Variants in POM121 observed in about 807,000 individuals in gnomAD.
POM121 encodes nuclear envelope pore membrane protein POM 121.
In POM121, 32 loss-of-function variants were observed where a neutral mutation model predicts 81.3. The ratio of observed to expected loss-of-function variants is 0.39; its 90% CI spans 0.30 to 0.53. POM121 has a LOEUF of 0.53. POM121 is among the 20% of genes least tolerant of loss of function. The pLI is 0.66. For missense variants in POM121, 1,138 were observed against 1,614.6 expected, an observed-to-expected ratio of 0.70 and a Z score of 5.06; for synonymous variants, 514 against 694.2, an observed-to-expected ratio of 0.74 and a Z score of 4.08.
chr7:72,906,780 G>A (rs1444041222), intron 3 of POM121, among the ~76,000 whole-genome samples: 7 of 151,766 alleles, frequency 4.6e-5, no homozygotes, highest in Non-Finnish European at 1.0e-4. Flanking sequence ...GTGCCCCCAT[G>A]CCTGGCTAAT....
Position 72,948,149 on chromosome 7 carries a change from C to G in POM121, c.*1915C>G. On this transcript the variant is annotated 3_prime_UTR_variant, in exon 13 of 13. Transcript: ENST00000434423. ...GAGTGAGAATGAGTGTGGATGTGTA[C>G]AGTACACGCACTGGACGGCAGCGGG... is the stretch of plus-strand genomic sequence containing the variant. 7.0e-7 allele frequency: 1 copy of G among 1,425,044 alleles called. No homozygotes were observed. The highest frequency in any genetic ancestry group is 9.1e-7 in the Non-Finnish European group (1 of 1,095,058). The allele number at this position is 1,425,044 out of a possible 1,614,324, so 88.3% of individuals were successfully genotyped here.
At position 72,925,188 on chromosome 7, in the gene POM121, G is replaced by A. The variant is rs1299136347; in HGVS notation, c.67G>A (p.Gly23Ser). 1 of 1,500,302 alleles carries A rather than the reference G, an allele frequency of 6.7e-7. No homozygotes were observed. The highest frequency in any genetic ancestry group is 2.6e-5 in the East Asian group (1 of 38,802). The allele number at this position is 1,500,302 out of a possible 1,614,324, so 92.9% of individuals were successfully genotyped here. ...RRRPIASVRDGRGRGCGGPAR... is the reference protein window; with the variant it reads ...RRRPIASVRDSRGRGCGGPAR... ...GCGGCCCATAGCGAGTGTCAGGGAC[G>A]GCCGGGGCCGGGGCTGCGGCGGGCC... is the stretch of plus-strand genomic sequence containing the variant. Residue 23 changes from glycine (G) to serine (S), a missense_variant, in exon 1 of 13, where the codon GGC becomes AGC. Physicochemically the swap from Gly to Ser is moderately conservative, Grantham distance 56. This residue lies in a region of POM121 where 646 missense variants were observed against 633.5 expected (regional missense o/e 1.02). Coordinates refer to ENST00000434423, the MANE Select transcript of POM121 (RefSeq NM_001387691.1).
At chr7:72,943,624 A>G (rs2129580624) in intron 11 of POM121, 102 bp downstream of exon 11, 3 of 1,490,570 alleles carry the variant, frequency 2.0e-6, no homozygotes, top group South Asian at 2.7e-5. Context: ...GTGAAGAGAC[A>G]GGCACTGAAT....
intron 3 of POM121, among the ~76,000 whole-genome samples, chr7:72,908,793 C>G (rs1554493848): frequency 6.6e-6 from 1 of 152,194 alleles, no homozygotes; most frequent in East Asian, 1.9e-4. Context: ...TCTGTTCCAC[C>G]CAGCTCTCAG....
At chr7:72,909,908 C>A (rs1416500568) in intron 3 of POM121, among the ~76,000 whole-genome samples, 4 of 152,196 alleles carry the variant, frequency 2.6e-5, no homozygotes, top group African/African-American at 4.8e-5. Context: ...CGGCCTCCCA[C>A]AGTGTTGGGA....
intron 1 of POM121, among the ~76,000 whole-genome samples, chr7:72,886,429 C>T (rs1342955083): frequency 1.1e-4 from 17 of 152,264 alleles, no homozygotes; most frequent in East Asian, 9.6e-4. Flanking sequence ...CTGCCTCAGC[C>T]GCCCAAAGTG....
At chr7:72,926,993 T>C in intron 3 of POM121, 30 bp downstream of exon 3, 1 of 1,613,820 alleles carries the variant, frequency 6.2e-7, no homozygotes, top group Non-Finnish European at 8.5e-7. Context: ...ACTAAGCCGG[T>C]TTCGCGCTTG....
chr7:72,903,528 G>A (rs1284318509), intron 3 of POM121, among the ~76,000 whole-genome samples: 1 of 152,126 alleles, frequency 6.6e-6, no homozygotes, highest in Admixed American at 6.5e-5. Context: ...CTTTTGCTGT[G>A]GGCTGTAGCT....
intron 4 of POM121, among the ~76,000 whole-genome samples, chr7:72,919,521 ACC>A (rs1170948878): frequency 6.6e-6 from 1 of 151,724 alleles, no homozygotes; most frequent in African/African-American, 2.4e-5. Context: ...TTGCTCTGTC[ACC>A]CAGGCTGGAG....
intron 3 of POM121, among the ~76,000 whole-genome samples, chr7:72,913,152 G>A (rs1793968085): frequency 6.6e-6 from 1 of 152,184 alleles, no homozygotes; most frequent in Non-Finnish European, 1.5e-5. Context: ...TTCAATCCAA[G>A]GTATAAAATG....
At chr7:72,920,388 A>G (rs1186993815), upstream of POM121, among the ~76,000 whole-genome samples, 12 of 132,398 alleles carry the variant, frequency 9.1e-5, no homozygotes, top group Admixed American at 1.8e-4. Flanking sequence ...TGGCTCTGTC[A>G]CCCAGGCTGG....
Position 72,948,156 on chromosome 7 carries a change from C to A in POM121, c.*1922C>A. ...AATGAGTGTGGATGTGTACAGTACA[C>A]GCACTGGACGGCAGCGGGAGGCTGG... On this transcript the variant is annotated 3_prime_UTR_variant, in exon 13 of 13. Coordinates refer to ENST00000434423, the MANE Select transcript of POM121 (RefSeq NM_001387691.1). The A allele has an allele frequency of 7.0e-7, 1 of 1,429,824 alleles. No individual in the cohort carries two copies. Among genetic ancestry groups the A allele is most frequent in the Non-Finnish European group, 9.1e-7 (1 of 1,097,816 alleles). The allele number at this position is 1,429,824 out of a possible 1,614,324, so 88.6% of individuals were successfully genotyped here. A position where few individuals can be genotyped will look rare whatever the true frequency, so the allele number is the denominator to read the frequency against.
intron 8 of POM121, among the ~76,000 whole-genome samples, 192 bp from the exon 9 acceptor site, chr7:72,940,222 G>T (rs1796934651): frequency 6.7e-6 from 1 of 150,252 alleles, no homozygotes; most frequent in Non-Finnish European, 1.5e-5. Context: ...TTGCTACCAC[G>T]CCTGGTTGAT....
At chr7:72,913,935 T>A (rs1794050383) in intron 4 of POM121, 1 of 152,246 alleles carries the variant, frequency 6.6e-6, no homozygotes, top group Admixed American at 6.5e-5. Context: ...TCTCATAACA[T>A]GACCGTGTCA....
At chr7:72,902,345 C>T (rs1332631677) in intron 3 of POM121, among the ~76,000 whole-genome samples, 2 of 148,718 alleles carry the variant, frequency 1.3e-5, no homozygotes, top group Non-Finnish European at 3.0e-5. Context: ...TCACTGCAAC[C>T]TCTGCCTCCT....
At chr7:72,931,359 T>A (rs1796002314) in intron 5 of POM121, among the ~76,000 whole-genome samples, 1 of 152,140 alleles carries the variant, frequency 6.6e-6, no homozygotes, top group East Asian at 1.9e-4. Flanking sequence ...AAGCTTTGGT[T>A]TCTTCCAGTT....
chr7:72,948,751 G>A (rs529742359), downstream of POM121: 12 of 1,570,328 alleles, frequency 7.6e-6, no homozygotes, highest in African/African-American at 1.1e-4. Flanking sequence ...GGCAGTGCTC[G>A]GCACCCGGGA....
upstream of POM121, chr7:72,924,942 A>G: frequency 8.9e-7 from 1 of 1,124,426 alleles, no homozygotes. Context: ...GAAAACCTCA[A>G]GAGTCAGAAA....
rs1563172129 is a variant in POM121 at position 72,943,106 on chromosome 7, T to G, written c.3113T>G (p.Phe1038Cys). 1.9e-6 allele frequency: 3 copies of G among 1,613,472 alleles called. No homozygotes were observed. The highest frequency in any genetic ancestry group is 2.5e-6 in the Non-Finnish European group (3 of 1,179,778). ...TTTGGCGGTGCCACGCACTCGGCGT[T>G]TGGGTTGAAAGCCACGGCTTCGGCC... Reference protein sequence around the residue: ...PIFGGATHSAFGLKATASAFG... With the variant: ...PIFGGATHSACGLKATASAFG... The change falls in exon 11 of 13, where the codon TTT becomes TGT. Residue 1038 changes from phenylalanine (F) to cysteine (C), a missense_variant. By Grantham distance (205) the Phe-to-Cys change is radical. Transcript: ENST00000434423.
Sources: gnomAD v4.1 joint callset for allele counts (sites outside exome capture counted in the v4.1 genomes callset) on GRCh38, gnomAD v4.1.1 for gene constraint, gnomAD v4.1.1 regional missense constraint, MANE v1.5 for transcripts, NCBI Gene and HGNC (gene_info 2026-07-23, HGNC 2026-07-21) for gene names.